Variants in ZNF66 observed in about 807,000 individuals in gnomAD.
The protein encoded by ZNF66 is zinc finger protein 66.
In ZNF66, 32 loss-of-function variants were observed where a neutral mutation model predicts 35.2. The ratio of observed to expected loss-of-function variants is 0.91; its 90% CI spans 0.69 to 1.22. ZNF66 has a LOEUF of 1.22. Among genes scored for constraint, ZNF66 ranks in the 50% most tolerant of loss-of-function variants. The probability of loss-of-function intolerance (pLI) is 0.00; values close to 1 mark genes in which losing one functional copy is unlikely to be tolerated. For synonymous variants in ZNF66, 231 were observed against 181.3 expected (o/e 1.27, Z -2.20); for missense variants, 666 against 543.1 (o/e 1.23, Z -2.25).
intron 3 of ZNF66, among the ~76,000 whole-genome samples, chr19:20,798,742 C>T (rs1433283604): frequency 7.9e-5 from 12 of 152,154 alleles, no homozygotes; most frequent in Non-Finnish European, 1.8e-4. Flanking sequence ...ATGATTTTGA[C>T]TACTTAAGAT....
chr19:20,777,665 TCGC>T (rs2144887756), intron 1 of ZNF66, among the ~76,000 whole-genome samples: 1 of 152,014 alleles, frequency 6.6e-6, no homozygotes, highest in South Asian at 2.1e-4. Flanking sequence ...TCTTGCTCTG[TCGC>T]CAGGCTAGAG....
chr19:20,780,563 A>G (rs10420676), intron 1 of ZNF66, among the ~76,000 whole-genome samples: 14,268 of 151,170 alleles, frequency 0.094, 684 homozygotes, highest in Middle Eastern at 0.11. Flanking sequence ...ACAGTGTTGT[A>G]GGACCAAGCC....
chr19:20,796,579 T>A (rs1971394699), intron 3 of ZNF66, among the ~76,000 whole-genome samples: 1 of 152,222 alleles, frequency 6.6e-6, no homozygotes, highest in Non-Finnish European at 1.5e-5. Context: ...CTGCAAATTG[T>A]ATAATTTTAA....
At chr19:20,804,508 G>T (rs1971480917) in intron 3 of ZNF66, among the ~76,000 whole-genome samples, 1 of 152,120 alleles carries the variant, frequency 6.6e-6, no homozygotes, top group African/African-American at 2.4e-5. Flanking sequence ...GCCTCTCAAA[G>T]TGCTGGGATT....
intron 1 of ZNF66, among the ~76,000 whole-genome samples, chr19:20,789,763 A>C (rs189029881): frequency 2.9e-4 from 44 of 152,302 alleles, no homozygotes; most frequent in African/African-American, 1.1e-3. Context: ...CCTTAGTACC[A>C]GCTCCCAGGA....
In ZNF66 at chr19:20,806,379, A is replaced by G; in HGVS notation, c.779A>G (p.Glu260Gly). 1 of 1,571,132 alleles carries G rather than the reference A, an allele frequency of 6.4e-7. No homozygotes were observed. The highest frequency in any genetic ancestry group is 8.8e-7 in the Non-Finnish European group (1 of 1,142,100). Residue 260 changes from glutamate to glycine, a missense_variant, in exon 4 of 4, where the codon GAA (glutamate) becomes GGA (glycine). Coordinates refer to ENST00000344519, the MANE Select transcript of ZNF66 (RefSeq NM_001355197.2). ...ACTGGAGAGAAACCCTACAAATGTG[A>G]AGAATGTGGCAAGGCCTTTAAGCGC... ...IHTGEKPYKC[E>G]ECGKAFKRSS...
At chr19:20,804,040 C>T (rs1388162250) in intron 3 of ZNF66, among the ~76,000 whole-genome samples, 1 of 151,626 alleles carries the variant, frequency 6.6e-6, no homozygotes, top group Admixed American at 6.6e-5. Context: ...TGAAATTTTG[C>T]TTATTATGTG....
chr19:20,783,104 G>C lies in ZNF66; in HGVS notation c.3+6654G>C, dbSNP rs563057083. Among the ~76,000 whole-genome samples the C allele has an allele frequency of 4.0e-3, 616 of 152,226 alleles. 15 individuals carry two copies. The highest frequency in any genetic ancestry group is 7.5e-4 in the Non-Finnish European group (51 of 68,030). On this transcript the variant is annotated intron_variant, in intron 1 of 3. Coordinates refer to ENST00000344519, the MANE Select transcript of ZNF66 (RefSeq NM_001355197.2). ...TTATTTTAGCACCATTTGTTAAATA[G>C]AGAATTCTTGCTGCATTCCTCTTGT...
chr19:20,776,814 T>C (rs538988330), intron 1 of ZNF66, among the ~76,000 whole-genome samples: 2 of 152,198 alleles, frequency 1.3e-5, no homozygotes, highest in East Asian at 3.9e-4. Flanking sequence ...TTCTCTTTTC[T>C]GCTATTAAAA....
intron 1 of ZNF66, among the ~76,000 whole-genome samples, chr19:20,781,900 G>A (rs575049681): frequency 2.0e-5 from 3 of 151,934 alleles, no homozygotes; most frequent in Admixed American, 6.6e-5. Flanking sequence ...AGTATTCCAT[G>A]ATGTTTACGT....
At chr19:20,804,469 C>G (rs918570770) in intron 3 of ZNF66, among the ~76,000 whole-genome samples, 19 of 151,834 alleles carry the variant, frequency 1.3e-4, no homozygotes, top group African/African-American at 4.4e-4. Flanking sequence ...AATCTTGAAC[C>G]TCTGACCTCA....
rs1481511746 is a variant in ZNF66 at position 20,809,717 on chromosome 19, T to C, written c.*2395T>C. Reference sequence around the variant, plus strand: ...GAAAGGAACAACTGATACCAGCCGCTGCAAAATCATGCCAAAATGTAAAGA... The same window carrying C: ...GAAAGGAACAACTGATACCAGCCGCCGCAAAATCATGCCAAAATGTAAAGA... On this transcript the variant is annotated 3_prime_UTR_variant, in exon 4 of 4. Coordinates refer to ENST00000344519, the MANE Select transcript of ZNF66 (RefSeq NM_001355197.2). Among the ~76,000 whole-genome samples the C allele has an allele frequency of 6.6e-6, 1 of 152,086 alleles. No homozygotes were observed. Among genetic ancestry groups the C allele is most frequent in the East Asian group, 1.9e-4 (1 of 5,190 alleles).
chr19:20,806,154 C>G lies in ZNF66; in HGVS notation c.554C>G (p.Ser185Cys). The G allele has an allele frequency of 4.2e-6, 5 of 1,200,538 alleles. No homozygotes were observed. Among genetic ancestry groups the G allele is most frequent in the South Asian group, 1.2e-5 (1 of 81,792 alleles). The allele number at this position is 1,200,538 out of a possible 1,614,324, so 74.4% of individuals were successfully genotyped here. A position where few individuals can be genotyped will look rare whatever the true frequency, so the allele number is the denominator to read the frequency against. ...GAATGTGGCAAAGCTTTTAACCGGT[C>G]CTCAACCTTTACTACACATAAGAAA... ...FTECGKAFNRSSTFTTHKKIH... is the reference protein window; with the variant it reads ...FTECGKAFNRCSTFTTHKKIH... The change falls in exon 4 of 4, where the codon TCC becomes TGC. Residue 185 changes from serine (S) to cysteine (C), a missense_variant. Coordinates refer to ENST00000344519, the MANE Select transcript of ZNF66 (RefSeq NM_001355197.2).
At chr19:20,793,298 T>G (rs1349999741) in intron 2 of ZNF66, among the ~76,000 whole-genome samples, 1 of 93,686 alleles carries the variant, frequency 1.1e-5, no homozygotes, top group Non-Finnish European at 2.2e-5. Flanking sequence ...ATTGAAAGTA[T>G]TTTCTTTTCT....
Position 20,806,604 on chromosome 19 carries a change from A to AT in ZNF66, c.1005dup (p.Thr336TyrfsTer9), listed in dbSNP as rs1971514335. The AT allele has an allele frequency of 6.3e-7, 1 of 1,593,284 alleles. No homozygotes were observed. The highest frequency in any genetic ancestry group is 1.3e-5 in the African/African-American group (1 of 74,502). ...CACCTTACTACACATAAGAGAATTC[A>AT]TACTGGAGAGAAACCCTACAAATGT... On this transcript the variant is annotated frameshift_variant, in exon 4 of 4. Coordinates refer to ENST00000344519, the MANE Select transcript of ZNF66 (RefSeq NM_001355197.2). LOFTEE classifies it high-confidence loss of function.
intron 2 of ZNF66, among the ~76,000 whole-genome samples, chr19:20,793,555 T>G (rs1355920659): frequency 6.6e-6 from 1 of 151,950 alleles, no homozygotes; most frequent in Non-Finnish European, 1.5e-5. Flanking sequence ...ACTCCTGACC[T>G]TAGGATCTGC....
chr19:20,797,234 G>A (rs1971403192), intron 3 of ZNF66, among the ~76,000 whole-genome samples: 1 of 77,374 alleles, frequency 1.3e-5, no homozygotes, highest in Admixed American at 2.0e-4. Flanking sequence ...TTGAGACGGA[G>A]TCTCGCTGTC....
At chr19:20,782,273 A>G (rs911435355) in intron 1 of ZNF66, among the ~76,000 whole-genome samples, 36 of 152,206 alleles carry the variant, frequency 2.4e-4, no homozygotes, top group African/African-American at 8.4e-4. Flanking sequence ...CCAGTCTACC[A>G]TTGATAGGCA....
intron 3 of ZNF66, among the ~76,000 whole-genome samples, chr19:20,805,563 CTT>C (rs34028361): frequency 2.0e-5 from 3 of 148,170 alleles, no homozygotes; most frequent in African/African-American, 7.4e-5. Context: ...AAGTAACAGA[CTT>C]TTTTTTTTTC....
Sources: allele counts gnomAD v4.1 joint callset (sites outside exome capture counted in the v4.1 genomes callset), GRCh38; gene constraint gnomAD v4.1.1; transcripts MANE v1.5; gene names NCBI Gene and HGNC (gene_info 2026-07-23, HGNC 2026-07-21).